The following ST7L variants were observed in gnomAD, a reference collection of about 807,000 sequenced individuals.
ST7L encodes the protein suppressor of tumorigenicity 7 protein-like.
In ST7L, 57 loss-of-function variants were observed where a neutral mutation model predicts 72.5. The ratio of observed to expected loss-of-function variants is 0.79; its 90% CI spans 0.64 to 0.98. The LOEUF (loss-of-function observed/expected upper bound fraction) is 0.98. ST7L is among the 50% of genes least tolerant of loss of function. The pLI is 0.00. For missense variants in ST7L, 576 were observed against 672.2 expected, an observed-to-expected ratio of 0.86 and a Z score of 1.58; for synonymous variants, 221 against 240.9, an observed-to-expected ratio of 0.92 and a Z score of 0.77.
At chr1:112,582,513 G>T in intron 7 of ST7L, 41 bp from the exon 8 acceptor site, 4 of 1,209,832 alleles carry the variant, frequency 3.3e-6, no homozygotes, top group Non-Finnish European at 4.8e-6. Context: ...TATCACTTTT[G>T]TATTGTGGGC....
intron 3 of ST7L, chr1:112,610,454 G>A (rs572196312): frequency 4.2e-5 from 7 of 165,532 alleles, no homozygotes; most frequent in South Asian, 1.9e-4. Context: ...CACAAACTGC[G>A]TAGATTATAA....
chr1:112,582,031 C>A lies in ST7L; in HGVS notation c.1030G>T (p.Ala344Ser). The change falls in exon 9 of 15, where the codon GCC becomes TCC. Residue 344 changes from alanine to serine, a missense_variant. Ala to Ser is a moderately conservative substitution (Grantham distance 99). Around this residue, in one of 3 missense-constraint regions of ST7L, gnomAD observed 511 missense variants for 600.7 expected, o/e 0.85. Transcript: ENST00000358039. ...AGGACTGCCTGAACATCTGGATAGG[C>A]CTGTAATTCTAAAAGTGATTCTAAG... ...NLLESLLELQAYPDVQAVLAK... is the reference protein window; with the variant it reads ...NLLESLLELQSYPDVQAVLAK... 6.2e-7 allele frequency: 1 copy of A among 1,613,326 alleles called. No individual in the cohort carries two copies. The highest frequency in any genetic ancestry group is 8.5e-7 in the Non-Finnish European group (1 of 1,179,590).
At chr1:112,600,206 A>C (rs1180504662) in intron 4 of ST7L, among the ~76,000 whole-genome samples, 1 of 151,922 alleles carries the variant, frequency 6.6e-6, no homozygotes, top group Non-Finnish European at 1.5e-5. Context: ...ACGTCCAGCT[A>C]ATTTTTGTTT....
At chr1:112,542,792 T>C (rs538308476) in intron 13 of ST7L, among the ~76,000 whole-genome samples, 27 of 150,780 alleles carry the variant, frequency 1.8e-4, no homozygotes, top group Non-Finnish European at 3.2e-4. Context: ...AATAAATACA[T>C]TTGAGTTGCT....
At chr1:112,602,634 T>C (rs1327523841) in intron 3 of ST7L, among the ~76,000 whole-genome samples, 3 of 151,998 alleles carry the variant, frequency 2.0e-5, no homozygotes, top group Non-Finnish European at 4.4e-5. Flanking sequence ...CCTTTTGTAA[T>C]GAAACACCAC....
intron 6 of ST7L, among the ~76,000 whole-genome samples, chr1:112,587,097 G>C (rs1664979658): frequency 6.6e-6 from 1 of 152,094 alleles, no homozygotes; most frequent in Non-Finnish European, 1.5e-5. Context: ...CTAAATTCAA[G>C]GTGATGATGA....
chr1:112,566,879 T>C (rs1661147884), intron 11 of ST7L, among the ~76,000 whole-genome samples: 1 of 152,210 alleles, frequency 6.6e-6, no homozygotes, highest in African/African-American at 2.4e-5. Flanking sequence ...ATTGGGATTG[T>C]TTCTAGTTTG....
chr1:112,619,194 G>A, upstream of ST7L: 3 of 1,397,540 alleles, frequency 2.1e-6, no homozygotes, highest in Non-Finnish European at 2.9e-6. Flanking sequence ...GATAGTGGCG[G>A]ACCTGAAGTT....
intron 10 of ST7L, 115 bp downstream of exon 10, chr1:112,578,230 G>T: frequency 9.6e-7 from 1 of 1,042,838 alleles, no homozygotes; most frequent in Non-Finnish European, 1.5e-6. Flanking sequence ...AGAAGATCCA[G>T]GGCTATTCAG....
intron 3 of ST7L, among the ~76,000 whole-genome samples, chr1:112,603,521 G>A (rs1040940843): frequency 6.6e-6 from 1 of 152,188 alleles, no homozygotes; most frequent in Admixed American, 6.5e-5. Flanking sequence ...ACATCTGTGT[G>A]ATGCCAGGTT....
At chr1:112,532,490 G>A (rs773529791) in intron 14 of ST7L, among the ~76,000 whole-genome samples, 10 of 152,180 alleles carry the variant, frequency 6.6e-5, no homozygotes, top group Non-Finnish European at 1.3e-4. Context: ...CAAAGAGTGT[G>A]GGAATGTGCT....
At chr1:112,542,823 A>G (rs1306075638) in intron 13 of ST7L, among the ~76,000 whole-genome samples, 1 of 151,916 alleles carries the variant, frequency 6.6e-6, no homozygotes, top group Non-Finnish European at 1.5e-5. Context: ...TTGAAGAAGA[A>G]GAGTCTCGCT....
intron 14 of ST7L, among the ~76,000 whole-genome samples, chr1:112,538,947 G>A (rs1655647143): frequency 6.6e-6 from 1 of 152,166 alleles, no homozygotes; most frequent in African/African-American, 2.4e-5. Context: ...GGTAGAAAAG[G>A]TTAAGTAACT....
chr1:112,616,719 G>A (rs947414240), intron 2 of ST7L, 94 bp downstream of exon 2: 2 of 845,876 alleles, frequency 2.4e-6, no homozygotes, highest in South Asian at 1.5e-5. Context: ...CTCCAGCCTG[G>A]GCGACAGAGC....
intron 12 of ST7L, among the ~76,000 whole-genome samples, chr1:112,553,429 A>G (rs2101580117): frequency 6.6e-6 from 1 of 152,316 alleles, no homozygotes; most frequent in South Asian, 2.1e-4. Flanking sequence ...TCTGGCTTTT[A>G]GCAAATGGTT....
At position 112,599,076 on chromosome 1, in the gene ST7L, ATAT is replaced by A. The variant is rs1558040661; in HGVS notation, c.507-993_507-991del. 4.6e-3 allele frequency among the ~76,000 whole-genome samples: 197 copies of A among 42,690 alleles called. 19 individuals are homozygous for A. Among genetic ancestry groups the A allele is most frequent in the Middle Eastern group, 0.018 (1 of 56 alleles). 28.0% of individuals were successfully genotyped at this position (42,690 alleles called of 152,430 possible). ...CTCAGCCTCAAAAAAAAAAAAAAATATATATATATATATATATATATATATATA... is the reference window on the plus strand; with the variant it reads ...CTCAGCCTCAAAAAAAAAAAAAAATAATATATATATATATATATATATATA... On this transcript the variant is annotated intron_variant, in intron 4 of 14. Coordinates refer to ENST00000358039, the MANE Select transcript of ST7L (RefSeq NM_017744.5).
At chr1:112,564,331 T>C (rs1365186493) in intron 11 of ST7L, among the ~76,000 whole-genome samples, 1 of 152,156 alleles carries the variant, frequency 6.6e-6, no homozygotes, top group Non-Finnish European at 1.5e-5. Flanking sequence ...CTCTTCTACT[T>C]AGGCCACAGT....
intron 3 of ST7L, among the ~76,000 whole-genome samples, chr1:112,605,296 G>A (rs1040603242): frequency 1.3e-5 from 2 of 152,158 alleles, no homozygotes; most frequent in Non-Finnish European, 2.9e-5. Flanking sequence ...GGGAGGCTGA[G>A]GCAGGAGAAT....
Position 112,617,717 on chromosome 1 carries a change from TCACACA to T in ST7L, c.206-828_206-823del, listed in dbSNP as rs56216561. Among the ~76,000 whole-genome samples the T allele has an allele frequency of 6.9e-3, 875 of 126,480 alleles. 12 individuals are homozygous for T. Among genetic ancestry groups the T allele is most frequent in the African/African-American group, 0.022 (531 of 24,170 alleles). 83.0% of individuals were successfully genotyped at this position (126,480 alleles called of 152,430 possible). The stretch of plus-strand genomic sequence containing the variant: ...GAGACTCTGTCTGTCTTTCTCTCTC[TCACACA>T]CACACACACACACACACACACACAC... On this transcript the variant is annotated intron_variant, in intron 1 of 14. Transcript: ENST00000358039.
Sources: allele counts gnomAD v4.1 joint callset (sites outside exome capture counted in the v4.1 genomes callset), GRCh38; gene constraint gnomAD v4.1.1; regional missense constraint gnomAD v4.1.1; transcripts MANE v1.5; gene names NCBI Gene and HGNC (gene_info 2026-07-23, HGNC 2026-07-21).